The following ADAMTS5 variants were observed in gnomAD, a reference collection of about 807,000 sequenced individuals.
The protein encoded by ADAMTS5 is A disintegrin and metalloproteinase with thrombospondin motifs 5.
A neutral mutation model predicts 81.4 loss-of-function variants in ADAMTS5; 54 were observed. The observed-to-expected ratio is 0.66, with a 90% confidence interval of 0.53 to 0.83. The LOEUF (loss-of-function observed/expected upper bound fraction) is 0.83, where lower values mean the gene tolerates loss of function less well. Ranked by LOEUF, ADAMTS5 falls within the 40% of genes least tolerant of loss-of-function variation. The probability of loss-of-function intolerance (pLI) is 0.00; values close to 1 mark genes in which losing one functional copy is unlikely to be tolerated. For synonymous variants in ADAMTS5, 532 were observed against 508.8 expected (o/e 1.05, Z -0.61); for missense variants, 1,194 against 1,229.9 (o/e 0.97, Z 0.44).
chr21:26,923,969 G>T lies in ADAMTS5; in HGVS notation c.*84C>A. The T allele has an allele frequency of 7.3e-7, 1 of 1,365,046 alleles. No homozygotes were observed. The highest frequency in any genetic ancestry group is 9.9e-7 in the Non-Finnish European group (1 of 1,012,058). The allele number at this position is 1,365,046 out of a possible 1,614,324, so 84.6% of individuals were successfully genotyped here. On this transcript the variant is annotated 3_prime_UTR_variant, in exon 8 of 8. Transcript: ENST00000284987. ...ATGTCACTGAAGCATGACTTTCTGT[G>T]CGTTAGGTAGACCTCCTGTTCACCA...
intron 6 of ADAMTS5, 152 bp from the exon 7 acceptor site, chr21:26,930,213 A>G (rs1188298856): frequency 5.3e-6 from 4 of 749,888 alleles, no homozygotes; most frequent in Non-Finnish European, 8.1e-6. Flanking sequence ...CATAGTTTCC[A>G]GAAGTAGCTA....
In ADAMTS5 at chr21:26,919,240, T is replaced by C. The variant is rs1468914624; in HGVS notation, c.*4813A>G. The C allele has an allele frequency of 6.6e-6, 1 of 151,730 alleles. No homozygotes were observed. The highest frequency in any genetic ancestry group is 1.5e-5 in the Non-Finnish European group (1 of 67,868). The allele number at this position is 151,730 out of a possible 1,614,324, so 9.4% of individuals were successfully genotyped here. A position where few individuals can be genotyped will look rare whatever the true frequency, so the allele number is the denominator to read the frequency against. ...TGTTTTTTATTTGTTTTTTTTTTTTTTCCTACAAATCACAGTTTTCCTCAC... is the reference window on the plus strand; with the variant it reads ...TGTTTTTTATTTGTTTTTTTTTTTTCTCCTACAAATCACAGTTTTCCTCAC... On this transcript the variant is annotated 3_prime_UTR_variant, in exon 8 of 8. Transcript: ENST00000284987.
chr21:26,934,872 G>A (rs1986985854), intron 3 of ADAMTS5, 123 bp from the exon 4 acceptor site: 1 of 1,301,768 alleles, frequency 7.7e-7, no homozygotes, highest in South Asian at 1.4e-5. Context: ...AATCTGTAGT[G>A]TAATGCTCTG....
In ADAMTS5 at chr21:26,925,599, T is replaced by G. The variant is rs184908630; in HGVS notation, c.2226-979A>C. On this transcript the variant is annotated intron_variant, in intron 7 of 7. Coordinates refer to ENST00000284987, the MANE Select transcript of ADAMTS5 (RefSeq NM_007038.5). ...GTCAACTTTTGTCCACATTTTTGCC[T>G]TTTTAAGTAATTTCATAATAGGGTC... Among the ~76,000 whole-genome samples the G allele has an allele frequency of 9.9e-4, 151 of 152,316 alleles. 1 individual carries two copies. The highest frequency in any genetic ancestry group is 1.7e-3 in the Non-Finnish European group (115 of 68,020).
In ADAMTS5 at chr21:26,923,925, A is replaced by T; in HGVS notation, c.*128T>A. On this transcript the variant is annotated 3_prime_UTR_variant, in exon 8 of 8. Transcript: ENST00000284987. ...GTCACAGAGAGCAGATTCTGCCCATAATTGGACTCCTGTTGACAATGTCAC... is the reference window on the plus strand; with the variant it reads ...GTCACAGAGAGCAGATTCTGCCCATTATTGGACTCCTGTTGACAATGTCAC... The T allele has an allele frequency of 1.0e-6, 1 of 973,464 alleles. No homozygotes were observed. Among genetic ancestry groups the T allele is most frequent in the Non-Finnish European group, 1.5e-6 (1 of 677,970 alleles). 60.3% of individuals were successfully genotyped at this position (973,464 alleles called of 1,614,324 possible).
Position 26,923,367 on chromosome 21 carries a change from TAA to T in ADAMTS5, c.*684_*685del, listed in dbSNP as rs1986737764. ...AAGTAAATGAACCCGTGTATGTATTTAAGTGACTAGATACACTGAGATCTATT... is the reference window on the plus strand; with the variant it reads ...AAGTAAATGAACCCGTGTATGTATTTGTGACTAGATACACTGAGATCTATT... On this transcript the variant is annotated 3_prime_UTR_variant, in exon 8 of 8. Coordinates refer to ENST00000284987, the MANE Select transcript of ADAMTS5 (RefSeq NM_007038.5). 1 of 152,200 alleles carries T rather than the reference TAA, an allele frequency of 6.6e-6. No individual in the cohort carries two copies. The highest frequency in any genetic ancestry group is 6.6e-5 in the Admixed American group (1 of 15,264). 9.4% of individuals were successfully genotyped at this position (152,200 alleles called of 1,614,324 possible).
Position 26,922,608 on chromosome 21 carries a change from A to G in ADAMTS5, c.*1445T>C, listed in dbSNP as rs1986721193. On this transcript the variant is annotated 3_prime_UTR_variant, in exon 8 of 8. Coordinates refer to ENST00000284987, the MANE Select transcript of ADAMTS5 (RefSeq NM_007038.5). Reference sequence around the variant, plus strand: ...TGGGGGGGTGTACATTTTATCATCTAAAAAGATATCTTTAGGTGTGTGCTT... The same window carrying G: ...TGGGGGGGTGTACATTTTATCATCTGAAAAGATATCTTTAGGTGTGTGCTT... 6.6e-6 allele frequency: 1 copy of G among 152,126 alleles called. No individual in the cohort carries two copies. The highest frequency in any genetic ancestry group is 2.4e-5 in the African/African-American group (1 of 41,446). The allele number at this position is 152,126 out of a possible 1,614,324, so 9.4% of individuals were successfully genotyped here.
At chr21:26,947,689 C>T (rs1213569002) in intron 2 of ADAMTS5, among the ~76,000 whole-genome samples, 1 of 152,156 alleles carries the variant, frequency 6.6e-6, no homozygotes, top group Non-Finnish European at 1.5e-5. Flanking sequence ...CCTGTCTTGG[C>T]CTCCCAAAGT....
chr21:26,965,551 G>A lies in ADAMTS5; in HGVS notation c.841C>T (p.Arg281Trp), dbSNP rs766100243. 36 of 1,612,024 alleles carry A rather than the reference G, an allele frequency of 2.2e-5. No homozygotes were observed. The highest frequency in any genetic ancestry group is 2.0e-5 in the Non-Finnish European group (23 of 1,178,730). Reference protein sequence around the residue: ...LLLVADASMARLYGRGLQHYL... With the variant: ...LLLVADASMAWLYGRGLQHYL... ...TGCTGCAGGCCCCGGCCATACAACCGCGCCATGGACGCGTCAGCCACCAGA... is the reference window on the plus strand; with the variant it reads ...TGCTGCAGGCCCCGGCCATACAACCACGCCATGGACGCGTCAGCCACCAGA... The change falls in exon 1 of 8, where the codon CGG (arginine) becomes TGG (tryptophan). Residue 281 changes from arginine (R) to tryptophan (W), a missense_variant. By Grantham distance (101) the Arg-to-Trp change is moderately radical. Around this residue, in one of 2 missense-constraint regions of ADAMTS5, gnomAD observed 498 missense variants for 412.3 expected, o/e 1.21. Coordinates refer to ENST00000284987, the MANE Select transcript of ADAMTS5 (RefSeq NM_007038.5).
intron 1 of ADAMTS5, among the ~76,000 whole-genome samples, chr21:26,955,593 T>C (rs1228826755): frequency 1.3e-5 from 2 of 152,166 alleles, no homozygotes; most frequent in African/African-American, 4.8e-5. Flanking sequence ...AATAGGAACA[T>C]GATTCCACCC....
intron 3 of ADAMTS5, among the ~76,000 whole-genome samples, chr21:26,942,673 C>T (rs115816379): frequency 0.011 from 1,720 of 152,222 alleles, 39 homozygotes; most frequent in African/African-American, 0.039. Context: ...AAAATTGTAA[C>T]TTCCTCAGTA....
At chr21:26,960,245 C>T (rs1004110194) in intron 1 of ADAMTS5, among the ~76,000 whole-genome samples, 5 of 152,226 alleles carry the variant, frequency 3.3e-5, no homozygotes, top group South Asian at 2.1e-4. Context: ...ACAGCCTGCT[C>T]ACCCAGGATC....
chr21:26,925,198 C>G (rs745399363), intron 7 of ADAMTS5, among the ~76,000 whole-genome samples: 25 of 152,132 alleles, frequency 1.6e-4, no homozygotes, highest in Non-Finnish European at 3.2e-4. Context: ...AATGTGCAGA[C>G]TAACTTGGGA....
chr21:26,960,724 C>T (rs770570506), intron 1 of ADAMTS5, among the ~76,000 whole-genome samples: 1 of 152,176 alleles, frequency 6.6e-6, no homozygotes, highest in Non-Finnish European at 1.5e-5. Context: ...TATTCTGTTA[C>T]GGTGGCCTGA....
At chr21:26,944,664 CTG>C (rs1245981842) in intron 2 of ADAMTS5, among the ~76,000 whole-genome samples, 1 of 152,108 alleles carries the variant, frequency 6.6e-6, no homozygotes, top group East Asian at 1.9e-4. Flanking sequence ...TTAGGAAACA[CTG>C]TAGCAAACTG....
chr21:26,934,294 G>A (rs143322793), intron 4 of ADAMTS5, among the ~76,000 whole-genome samples, 172 bp downstream of exon 4: 6 of 152,164 alleles, frequency 3.9e-5, no homozygotes, highest in East Asian at 3.9e-4. Flanking sequence ...AGTAAATCTC[G>A]GATCACTGAG....
rs1986766059 is a variant in ADAMTS5, at chr21:26,924,398, G to T, written c.2448C>A (p.Asp816Glu). 1 of 1,614,072 alleles carries T rather than the reference G, an allele frequency of 6.2e-7. No homozygotes were observed. The highest frequency in any genetic ancestry group is 8.5e-7 in the Non-Finnish European group (1 of 1,179,908). The change falls in exon 8 of 8, where the codon GAC becomes GAA. Residue 816 changes from aspartate to glutamate, a missense_variant. This residue lies in a region of ADAMTS5 where 696 missense variants were observed against 817.6 expected (regional missense o/e 0.85). Coordinates refer to ENST00000284987, the MANE Select transcript of ADAMTS5 (RefSeq NM_007038.5). ...CAGAGTAGCCCATGCCATGCAGGAA[G>T]TCATCCCTGTGGCTCCAACCGCTAT... ...MNYSGWSHRD[D>E]FLHGMGYSAT...
Position 26,924,467 on chromosome 21 carries a change from GGA to G in ADAMTS5, c.2377_2378del (p.Ser793HisfsTer7), listed in dbSNP as rs772205490. On this transcript the variant is annotated frameshift_variant, in exon 8 of 8. Transcript: ENST00000284987. LOFTEE classifies it high-confidence loss of function. ...TGATGTCAATGATAGTCTCTGAAGTGGAGATCATGTACTTTCCATTGATAAGG... is the reference window on the plus strand; with the variant it reads ...TGATGTCAATGATAGTCTCTGAAGTGGATCATGTACTTTCCATTGATAAGG... Reference protein sequence around the residue: ...EYLINGKYMISTSETIIDING... With the variant: ...EYLINGKYMIXTSETIIDING... The G allele has an allele frequency of 9.9e-6, 16 of 1,614,186 alleles. No individual in the cohort carries two copies. The highest frequency in any genetic ancestry group is 1.0e-5 in the Non-Finnish European group (12 of 1,180,036).
At chr21:26,958,604 GA>G (rs1387168788) in intron 1 of ADAMTS5, among the ~76,000 whole-genome samples, 1 of 152,186 alleles carries the variant, frequency 6.6e-6, no homozygotes, top group Non-Finnish European at 1.5e-5. Flanking sequence ...ACAGAGCCCA[GA>G]TGGATTAGGG....
Sources: allele counts gnomAD v4.1 joint callset (sites outside exome capture counted in the v4.1 genomes callset), GRCh38; gene constraint gnomAD v4.1.1; regional missense constraint gnomAD v4.1.1; transcripts MANE v1.5; gene names NCBI Gene and HGNC (gene_info 2026-07-23, HGNC 2026-07-21).